ATP2B4: variants seen among roughly 807,000 people sequenced by gnomAD.
ATP2B4 encodes ATPase plasma membrane Ca2+ transporting 4, also known as plasma membrane calcium-transporting ATPase 4.
Under a neutral mutation model 110.3 loss-of-function variants are expected in ATP2B4, and 39 were observed. The ratio of observed to expected loss-of-function variants is 0.35; its 90% CI spans 0.27 to 0.46. The LOEUF is 0.46. Ranked by LOEUF, ATP2B4 falls within the 20% of genes least tolerant of loss-of-function variation. The probability of loss-of-function intolerance (pLI) is 1.00; values close to 1 mark genes in which losing one functional copy is unlikely to be tolerated. For synonymous variants in ATP2B4, 538 were observed against 571.7 expected (o/e 0.94, Z 0.84); for missense variants, 1,135 against 1,530.9 (o/e 0.74, Z 4.32).
intron 1 of ATP2B4, among the ~76,000 whole-genome samples, chr1:203,680,194 C>G (rs1664960442): frequency 6.6e-6 from 1 of 152,026 alleles, no homozygotes; most frequent in African/African-American, 2.4e-5. Flanking sequence ...GTTAATGAAG[C>G]TGCCTTAGAA....
intron 1 of ATP2B4, among the ~76,000 whole-genome samples, chr1:203,638,786 T>C (rs888173213): frequency 2.0e-5 from 3 of 152,198 alleles, no homozygotes; most frequent in Non-Finnish European, 2.9e-5. Context: ...GGTCATGTGC[T>C]AGGAGCAGTT....
At chr1:203,709,733 C>T (rs1174517861) in intron 11 of ATP2B4, among the ~76,000 whole-genome samples, 191 bp downstream of exon 11, 2 of 152,182 alleles carry the variant, frequency 1.3e-5, no homozygotes, top group Non-Finnish European at 2.9e-5. Flanking sequence ...TGTATTTAAT[C>T]CTCACAACTC....
Position 203,740,826 on chromosome 1 carries a change from A to T in ATP2B4, c.*972A>T, listed in dbSNP as rs1400426033. Reference sequence around the variant, plus strand: ...GACCCTGCCCCCTTACTGGGCTTGGATATTGAGGACCAGACGCTGCCAAAT... The same window carrying T: ...GACCCTGCCCCCTTACTGGGCTTGGTTATTGAGGACCAGACGCTGCCAAAT... On this transcript the variant is annotated 3_prime_UTR_variant, in exon 21 of 21. Transcript: ENST00000357681. The T allele has an allele frequency of 6.6e-6, 1 of 152,198 alleles. No homozygotes were observed. Among genetic ancestry groups the T allele is most frequent in the Non-Finnish European group, 1.5e-5 (1 of 68,030 alleles). The allele number at this position is 152,198 out of a possible 1,614,324, so 9.4% of individuals were successfully genotyped here.
intron 1 of ATP2B4, among the ~76,000 whole-genome samples, chr1:203,671,140 A>G (rs1427497034): frequency 1.3e-5 from 2 of 152,220 alleles, no homozygotes; most frequent in Non-Finnish European, 2.9e-5. Context: ...TTTATATTCC[A>G]ACTAGCTGTT....
At chr1:203,657,312 G>T in intron 1 of ATP2B4, 1 of 740,116 alleles carries the variant, frequency 1.4e-6, no homozygotes, top group South Asian at 1.5e-5. Context: ...CCTCTTCCAT[G>T]CCTTCTTCTT....
chr1:203,700,397 A>G (rs896412389), intron 5 of ATP2B4, 66 bp downstream of exon 5: 10 of 1,547,132 alleles, frequency 6.5e-6, no homozygotes, highest in Non-Finnish European at 7.0e-6. Context: ...CAGGATCCAG[A>G]CCCTGTTCTC....
intron 1 of ATP2B4, among the ~76,000 whole-genome samples, chr1:203,642,324 T>C (rs1292337367): frequency 2.0e-5 from 3 of 152,172 alleles, no homozygotes; most frequent in African/African-American, 7.2e-5. Flanking sequence ...GCTCAAGCAA[T>C]CCACCTGCCT....
chr1:203,684,131 T>C (rs956617270), intron 2 of ATP2B4, among the ~76,000 whole-genome samples: 6 of 152,192 alleles, frequency 3.9e-5, no homozygotes, highest in Non-Finnish European at 7.3e-5. Context: ...ACACTGATCT[T>C]ACAGTTTAAT....
chr1:203,692,529 C>T (rs988249033), intron 2 of ATP2B4, among the ~76,000 whole-genome samples: 1 of 152,192 alleles, frequency 6.6e-6, no homozygotes, highest in African/African-American at 2.4e-5. Flanking sequence ...CTGTCCTTCT[C>T]AAGTTCCAAA....
At position 203,722,578 on chromosome 1, in the gene ATP2B4, G is replaced by A. The variant is rs190790927; in HGVS notation, c.2913G>A (p.Gln971=). 1.2e-6 allele frequency: 2 copies of A among 1,614,178 alleles called. No homozygotes were observed. Among genetic ancestry groups the A allele is most frequent in the South Asian group, 1.1e-5 (1 of 91,078 alleles). Residue 971 remains glutamine, a synonymous_variant, in exon 18 of 21, where the codon CAG becomes CAA. Transcript: ENST00000357681. ...TIVFNTFVLM[Q]LFNEINSRKI... ...TTTTTAACACCTTCGTGCTGATGCA[G>A]CTCTTCAATGAAATCAACTCCCGAA...
chr1:203,644,838 C>G (rs1410207532), intron 1 of ATP2B4, among the ~76,000 whole-genome samples: 1 of 152,186 alleles, frequency 6.6e-6, no homozygotes, highest in East Asian at 1.9e-4. Flanking sequence ...GGAAGCTCCA[C>G]CTTTCACTCT....
chr1:203,667,434 G>A (rs1221484167), intron 1 of ATP2B4, among the ~76,000 whole-genome samples: 2 of 152,230 alleles, frequency 1.3e-5, no homozygotes, highest in East Asian at 3.8e-4. Context: ...GTTCTGGAGT[G>A]TGGCCTATAC....
At position 203,684,353 on chromosome 1, in the gene ATP2B4, ATT is replaced by A. The variant is rs56376451; in HGVS notation, c.193+973_193+974del. Among the ~76,000 whole-genome samples, 518 of 125,374 alleles carry A rather than the reference ATT, an allele frequency of 4.1e-3. 3 individuals carry two copies. The highest frequency in any genetic ancestry group is 0.013 in the African/African-American group (441 of 33,898). The allele number at this position is 125,374 out of a possible 152,430, so 82.3% of individuals were successfully genotyped here. A position where few individuals can be genotyped will look rare whatever the true frequency, so the allele number is the denominator to read the frequency against. ...GGTGACATAATAACACCCCATCTCT[ATT>A]TTTTTTTTTTTTTTTTTGGAGACAG... On this transcript the variant is annotated intron_variant, in intron 2 of 20. Transcript: ENST00000357681.
Position 203,722,641 on chromosome 1 carries a change from C to T in ATP2B4, c.2976C>T (p.Tyr992=), listed in dbSNP as rs916531306. The T allele has an allele frequency of 1.2e-6, 2 of 1,614,204 alleles. No homozygotes were observed. Among genetic ancestry groups the T allele is most frequent in the South Asian group, 1.1e-5 (1 of 91,078 alleles). Reference sequence around the variant, plus strand: ...AGAAGAACGTCTTTTCAGGCATCTACCGCAACATTATCTTCTGCTCTGTAG... The same window carrying T: ...AGAAGAACGTCTTTTCAGGCATCTATCGCAACATTATCTTCTGCTCTGTAG... The part of the protein sequence containing the change: ...HGEKNVFSGI[Y]RNIIFCSVVL... Residue 992 remains tyrosine, a synonymous_variant, in exon 18 of 21, where the codon TAC becomes TAT. Coordinates refer to ENST00000357681, the MANE Select transcript of ATP2B4 (RefSeq NM_001684.5).
At chr1:203,679,017 T>C (rs1434003642) in intron 1 of ATP2B4, among the ~76,000 whole-genome samples, 1 of 152,216 alleles carries the variant, frequency 6.6e-6, no homozygotes, top group Non-Finnish European at 1.5e-5. Flanking sequence ...TATGATTTCT[T>C]GCCCTAGGAG....
At position 203,631,192 on chromosome 1, in the gene ATP2B4, T is replaced by C. The variant is rs535901515; in HGVS notation, c.-465+3973T>C. 2.6e-4 allele frequency among the ~76,000 whole-genome samples: 39 copies of C among 152,302 alleles called. No individual in the cohort carries two copies. In the South Asian group the frequency reaches 7.7e-3, roughly 30 times the overall value. ...TGAGAGGCAGTCTATGTGTGAAGGATAGTGGAGAGGCCAAAGGAAAGGAAA... is the reference window on the plus strand; with the variant it reads ...TGAGAGGCAGTCTATGTGTGAAGGACAGTGGAGAGGCCAAAGGAAAGGAAA... On this transcript the variant is annotated intron_variant, in intron 1 of 20. Coordinates refer to ENST00000357681, the MANE Select transcript of ATP2B4 (RefSeq NM_001684.5).
intron 1 of ATP2B4, among the ~76,000 whole-genome samples, chr1:203,628,567 C>CCATT (rs1185720304): frequency 6.6e-6 from 1 of 152,090 alleles, no homozygotes; most frequent in Non-Finnish European, 1.5e-5. Context: ...AAACAAAATC[C>CCATT]CATTCTGCAG....
chr1:203,640,751 A>G (rs41447445), intron 1 of ATP2B4, among the ~76,000 whole-genome samples: 3,786 of 152,350 alleles, frequency 0.025, 146 homozygotes, highest in African/African-American at 0.084. Flanking sequence ...TGAGGTCGAT[A>G]TTAGCATTGT....
intron 1 of ATP2B4, among the ~76,000 whole-genome samples, chr1:203,654,013 C>T (rs1250483602): frequency 7.8e-5 from 9 of 115,058 alleles, no homozygotes; most frequent in East Asian, 2.4e-4. Context: ...GATGGAGTTT[C>T]GCTCTTGTTG....
Sources: allele counts gnomAD v4.1 joint callset (sites outside exome capture counted in the v4.1 genomes callset), GRCh38; gene constraint gnomAD v4.1.1; transcripts MANE v1.5; gene names NCBI Gene and HGNC (gene_info 2026-07-23, HGNC 2026-07-21).